The following ZC3H12D variants were observed in gnomAD, a reference collection of about 807,000 sequenced individuals.
ZC3H12D encodes the protein probable ribonuclease ZC3H12D.
Under a neutral mutation model 24.2 loss-of-function variants are expected in ZC3H12D, and 11 were observed. That is an observed-to-expected ratio of 0.46 (90% CI 0.29 to 0.75). The LOEUF (loss-of-function observed/expected upper bound fraction) is 0.75. Among genes scored for constraint, ZC3H12D ranks in the 30% least tolerant of loss-of-function variants. The probability of loss-of-function intolerance (pLI) is 0.11; values close to 1 mark genes in which losing one functional copy is unlikely to be tolerated. For synonymous variants in ZC3H12D, 333 were observed against 341.8 expected, an observed-to-expected ratio of 0.97 and a Z score of 0.28; for missense variants, 740 against 767.7, an observed-to-expected ratio of 0.96 and a Z score of 0.43.
intron 1 of ZC3H12D, among the ~76,000 whole-genome samples, chr6:149,480,763 A>T (rs188153746): frequency 2.6e-4 from 40 of 152,230 alleles, no homozygotes; most frequent in Admixed American, 2.4e-3. Flanking sequence ...ACAAACAAAA[A>T]ACAGGTGAGG....
At position 149,450,845 on chromosome 6, in the gene ZC3H12D, C is replaced by T; in HGVS notation, c.1422G>A (p.Glu474=). Residue 474 remains glutamate, a synonymous_variant, in exon 6 of 6, where the codon GAG becomes GAA. Coordinates refer to ENST00000409806, the MANE Select transcript of ZC3H12D (RefSeq NM_207360.3). ...TGCGAGCCCGGGCGCGCGCGTCCCC[C>T]TCGTCGTCCTCGGTCGCGTACACTG... The part of the protein sequence containing the change: ...GLSVYATEDD[E]GDARARARIA... 6.5e-7 allele frequency: 1 copy of T among 1,544,638 alleles called. No homozygotes were observed. Among genetic ancestry groups the T allele is most frequent in the Non-Finnish European group, 8.7e-7 (1 of 1,146,672 alleles).
chr6:149,474,206 C>T (rs7747354), intron 2 of ZC3H12D, 33 bp downstream of exon 2: 361,976 of 1,447,578 alleles, frequency 0.25, 47,108 homozygotes, highest in African/African-American at 0.27. Context: ...CAGGGGCCTC[C>T]CCAGCCCCAG....
intron 2 of ZC3H12D, among the ~76,000 whole-genome samples, chr6:149,470,626 C>G (rs949340707): frequency 6.6e-6 from 1 of 152,122 alleles, no homozygotes; most frequent in Non-Finnish European, 1.5e-5. Flanking sequence ...GATGAAAAGG[C>G]CTTTTAAGGT....
intron 1 of ZC3H12D, among the ~76,000 whole-genome samples, chr6:149,479,734 C>T (rs62441727): frequency 0.23 from 34,511 of 152,012 alleles, 4,150 homozygotes; most frequent in Non-Finnish European, 0.25. Context: ...AACAGGGTCT[C>T]ACTATGTTGC....
intron 2 of ZC3H12D, among the ~76,000 whole-genome samples, chr6:149,470,483 C>G (rs565655142): frequency 6.6e-6 from 1 of 151,572 alleles, no homozygotes; most frequent in Non-Finnish European, 1.5e-5. Flanking sequence ...TGCAGAGAGC[C>G]GAGATTGGAC....
At chr6:149,468,042 C>G (rs770409021) in intron 2 of ZC3H12D, among the ~76,000 whole-genome samples, 1 of 152,126 alleles carries the variant, frequency 6.6e-6, no homozygotes, top group Admixed American at 6.5e-5. Context: ...AGTGCAATGG[C>G]GCAATCTCAG....
At chr6:149,474,832 C>T (rs1480202608) in intron 1 of ZC3H12D, among the ~76,000 whole-genome samples, 2 of 152,324 alleles carry the variant, frequency 1.3e-5, no homozygotes, top group East Asian at 1.9e-4. Flanking sequence ...CCACACTGCC[C>T]GGCAGGGCAC....
chr6:149,471,832 C>T (rs1776248872), intron 2 of ZC3H12D, among the ~76,000 whole-genome samples: 4 of 152,236 alleles, frequency 2.6e-5, no homozygotes, highest in Admixed American at 2.0e-4. Flanking sequence ...ACTTCTCATC[C>T]GCTCAAGGTG....
chr6:149,475,319 G>A (rs992404805), intron 1 of ZC3H12D, among the ~76,000 whole-genome samples: 4 of 152,196 alleles, frequency 2.6e-5, no homozygotes, highest in African/African-American at 7.2e-5. Context: ...GCCCCCGGGC[G>A]AATTCTACTC....
In ZC3H12D at chr6:149,456,967, C is replaced by G; in HGVS notation, c.446-67G>C. On this transcript the variant is annotated intron_variant, in intron 3 of 5. Coordinates refer to ENST00000409806, the MANE Select transcript of ZC3H12D (RefSeq NM_207360.3). This position sits in a 1 kb window ranked among gnomAD's most constrained non-coding sequence, Gnocchi z 4.3. ...CACCGCCCCTGAGAACCACCCCCAACGCGAGGCCACCCGCTTCCCGGGCCG... is the reference window on the plus strand; with the variant it reads ...CACCGCCCCTGAGAACCACCCCCAAGGCGAGGCCACCCGCTTCCCGGGCCG... 1 of 1,478,870 alleles carries G rather than the reference C, an allele frequency of 6.8e-7. No individual in the cohort carries two copies. The highest frequency in any genetic ancestry group is 9.2e-7 in the Non-Finnish European group (1 of 1,090,282). 91.6% of individuals were successfully genotyped at this position (1,478,870 alleles called of 1,614,324 possible).
Position 149,452,574 on chromosome 6 carries a change from A to G in ZC3H12D, c.787+42T>C. 1 of 1,429,532 alleles carries G rather than the reference A, an allele frequency of 7.0e-7. No homozygotes were observed. The highest frequency in any genetic ancestry group is 9.3e-7 in the Non-Finnish European group (1 of 1,078,914). 88.6% of individuals were successfully genotyped at this position (1,429,532 alleles called of 1,614,324 possible). A position where few individuals can be genotyped will look rare whatever the true frequency, so the allele number is the denominator to read the frequency against. ...CTGTGCTCCTGTACTGCCCCCACAC[A>G]AGGCCCTGAACAGGGCCTGCGAAGC... On this transcript the variant is annotated intron_variant, in intron 5 of 5. Coordinates refer to ENST00000409806, the MANE Select transcript of ZC3H12D (RefSeq NM_207360.3). The surrounding 1 kb of genome is among the most constrained non-coding windows in gnomAD (Gnocchi z 4.0).
chr6:149,456,881 C>A lies in ZC3H12D; in HGVS notation c.465G>T (p.Glu155Asp). The change falls in exon 4 of 6, where the codon GAG becomes GAT. Residue 155 changes from glutamate to aspartate, a missense_variant. Coordinates refer to ENST00000409806, the MANE Select transcript of ZC3H12D (RefSeq NM_207360.3). The surrounding 1 kb of genome is among the most constrained non-coding windows in gnomAD (Gnocchi z 4.3). ...ACACCAGCACCGCCTGCCGCTCCAG[C>A]TCCGCCAGCACGTGCTGCTCTGAGG... ...TPIREQHVLA[E>D]LERQAVLVYT... is the part of the protein sequence containing the mutation. 1 of 1,603,352 alleles carries A rather than the reference C, an allele frequency of 6.2e-7. No homozygotes were observed.
intron 3 of ZC3H12D, among the ~76,000 whole-genome samples, chr6:149,460,132 AT>A (rs1242164632): frequency 1.4e-4 from 21 of 152,262 alleles, no homozygotes; most frequent in African/African-American, 5.1e-4. Context: ...TGTACAGCAC[AT>A]AACACTTGAT....
intron 3 of ZC3H12D, chr6:149,461,546 A>G (rs2115005642): frequency 4.5e-6 from 1 of 220,398 alleles, no homozygotes; most frequent in East Asian, 1.1e-4. Flanking sequence ...TATTTTGATA[A>G]CTTAACACAC....
At chr6:149,472,231 C>T (rs1318455006) in intron 2 of ZC3H12D, among the ~76,000 whole-genome samples, 1 of 152,080 alleles carries the variant, frequency 6.6e-6, no homozygotes, top group African/African-American at 2.4e-5. Context: ...CCAGAGCTTG[C>T]CTTTAAAAGG....
Position 149,474,319 on chromosome 6 carries a change from C to T in ZC3H12D, c.225G>A (p.Gly75=), listed in dbSNP as rs754384750. ...GVPDSAQRGP[G]TALEEDFRTL... is the part of the protein sequence containing the mutation. ...TTCTGAAGTCCTCTTCCAGGGCTGT[C>T]CCCGGGCCACGCTGGGCAGAGTCCG... The change falls in exon 2 of 6, where the codon GGG becomes GGA. Residue 75 remains glycine, a synonymous_variant. Coordinates refer to ENST00000409806, the MANE Select transcript of ZC3H12D (RefSeq NM_207360.3). 6.3e-7 allele frequency: 1 copy of T among 1,593,272 alleles called. No homozygotes were observed. Among genetic ancestry groups the T allele is most frequent in the Non-Finnish European group, 8.6e-7 (1 of 1,165,666 alleles).
chr6:149,479,218 G>T (rs1253943687), intron 1 of ZC3H12D, among the ~76,000 whole-genome samples: 2 of 152,134 alleles, frequency 1.3e-5, no homozygotes, highest in Non-Finnish European at 2.9e-5. Flanking sequence ...AAAATTATCT[G>T]GGCATGGTGG....
intron 2 of ZC3H12D, among the ~76,000 whole-genome samples, chr6:149,463,062 T>G (rs1776100605): frequency 6.6e-6 from 1 of 152,230 alleles, no homozygotes; most frequent in Admixed American, 6.5e-5. Flanking sequence ...GAATCCTGAC[T>G]AATACGGCTC....
At chr6:149,467,179 T>A (rs375629355) in intron 2 of ZC3H12D, among the ~76,000 whole-genome samples, 9 of 152,250 alleles carry the variant, frequency 5.9e-5, no homozygotes, top group South Asian at 2.1e-4. Flanking sequence ...ACAGACTCAG[T>A]GCAATTCCTG....
Sources: allele counts gnomAD v4.1 joint callset (sites outside exome capture counted in the v4.1 genomes callset), GRCh38; gene constraint gnomAD v4.1.1; non-coding constraint Gnocchi (gnomAD v3.1); transcripts MANE v1.5; gene names NCBI Gene and HGNC (gene_info 2026-07-23, HGNC 2026-07-21).